Variants in GALNT14 observed in about 807,000 individuals in gnomAD.
The protein encoded by GALNT14 is UDP-GalNAc:polypeptide N-acetylgalactosaminyltransferase 14.
A neutral mutation model predicts 77.5 loss-of-function variants in GALNT14; 60 were observed. The observed-to-expected ratio is 0.77, with a 90% CI of 0.63 to 0.96. GALNT14 has a LOEUF of 0.96. Ranked by LOEUF, GALNT14 falls within the 40% of genes least tolerant of loss-of-function variation. The pLI is 0.00. For synonymous variants in GALNT14, 280 were observed against 281.7 expected, an observed-to-expected ratio of 0.99 and a Z score of 0.06; for missense variants, 710 against 731.0, an observed-to-expected ratio of 0.97 and a Z score of 0.33.
chr2:31,006,730 C>T (rs971727804), intron 1 of GALNT14, among the ~76,000 whole-genome samples: 1 of 152,202 alleles, frequency 6.6e-6, no homozygotes, highest in Non-Finnish European at 1.5e-5. Context: ...CTTCCTTAAT[C>T]CACGTGCCCA....
intron 9 of GALNT14, among the ~76,000 whole-genome samples, chr2:30,940,951 C>T (rs1439315337): frequency 1.3e-5 from 2 of 152,220 alleles, no homozygotes; most frequent in Admixed American, 6.5e-5. Flanking sequence ...CTCTACACTG[C>T]CCAGTTTGGG....
intron 2 of GALNT14, among the ~76,000 whole-genome samples, chr2:30,984,294 C>G (rs1029584908): frequency 6.6e-6 from 1 of 152,260 alleles, no homozygotes; most frequent in African/African-American, 2.4e-5. Context: ...GCCTGTTCAG[C>G]CTGCACTTTG....
intron 1 of GALNT14, among the ~76,000 whole-genome samples, chr2:31,020,056 T>C (rs755725950): frequency 3.9e-5 from 6 of 152,120 alleles, no homozygotes; most frequent in Non-Finnish European, 8.8e-5. Context: ...GGCCAGCCCC[T>C]TCCCCAGCAC....
chr2:31,011,588 C>T (rs553679202), intron 1 of GALNT14, among the ~76,000 whole-genome samples: 2 of 152,246 alleles, frequency 1.3e-5, no homozygotes, highest in South Asian at 2.1e-4. Flanking sequence ...GATCCAGTGC[C>T]ACCCTGGGGC....
intron 10 of GALNT14, among the ~76,000 whole-genome samples, chr2:30,930,844 T>C (rs1471767987): frequency 6.6e-6 from 1 of 152,244 alleles, no homozygotes; most frequent in Non-Finnish European, 1.5e-5. Context: ...TGGAAGCTGT[T>C]TAGCAGACAT....
the GALNT14 span, among the ~76,000 whole-genome samples, chr2:30,904,018 G>T: frequency 6.6e-6 from 1 of 152,330 alleles, no homozygotes; most frequent in African/African-American, 2.4e-5. Flanking sequence ...AGCCCTAGCA[G>T]CCAGAGAGAT....
chr2:31,061,083 G>T (rs1674560612), intron 1 of GALNT14, among the ~76,000 whole-genome samples: 1 of 152,126 alleles, frequency 6.6e-6, no homozygotes, highest in Admixed American at 6.5e-5. Context: ...GCCACAGCCA[G>T]GCAGTCAGCT....
intron 1 of GALNT14, among the ~76,000 whole-genome samples, chr2:31,097,071 G>A (rs184143644): frequency 6.6e-6 from 1 of 152,286 alleles, no homozygotes; most frequent in Non-Finnish European, 1.5e-5. Context: ...GGAAGAGGGA[G>A]AGGGTCTCTG....
chr2:31,132,528 T>G, intron 1 of GALNT14: 1 of 335,798 alleles, frequency 3.0e-6, no homozygotes. Flanking sequence ...AGGATGAGCA[T>G]GCATCTCATC....
chr2:31,057,370 GTGTGTATA>G (rs58661467), intron 1 of GALNT14, among the ~76,000 whole-genome samples: 39,498 of 119,924 alleles, frequency 0.33, 6,071 homozygotes, highest in East Asian at 0.43. Context: ...GTGTGTGTGT[GTGTGTATA>G]TATATATATA....
intron 1 of GALNT14, among the ~76,000 whole-genome samples, chr2:30,998,027 A>C (rs1048259644): frequency 1.3e-5 from 2 of 152,182 alleles, no homozygotes; most frequent in Non-Finnish European, 2.9e-5. Flanking sequence ...ATCATTATTC[A>C]GCCTTAAAGG....
At chr2:31,125,904 A>G (rs1034023055) in intron 1 of GALNT14, among the ~76,000 whole-genome samples, 8 of 152,192 alleles carry the variant, frequency 5.3e-5, no homozygotes, top group Non-Finnish European at 1.2e-4. Context: ...TATTTTCAGC[A>G]TCTGTTGGTT....
At chr2:31,026,724 C>T (rs182483686) in intron 1 of GALNT14, among the ~76,000 whole-genome samples, 146 of 152,328 alleles carry the variant, frequency 9.6e-4, no homozygotes, top group African/African-American at 3.5e-3. Flanking sequence ...TCCCCACTGA[C>T]CTGGGTAATC....
intron 1 of GALNT14, among the ~76,000 whole-genome samples, chr2:31,118,790 T>C (rs1265188164): frequency 6.6e-6 from 1 of 152,184 alleles, no homozygotes; most frequent in Non-Finnish European, 1.5e-5. Context: ...TTTTTATACT[T>C]AGGAAATTCA....
intron 1 of GALNT14, among the ~76,000 whole-genome samples, chr2:31,011,433 C>A (rs1370489548): frequency 6.6e-6 from 1 of 152,178 alleles, no homozygotes; most frequent in African/African-American, 2.4e-5. Context: ...TCTCTGGTTA[C>A]TTTTCCCACC....
At chr2:30,942,007 C>T (rs1486648177) in intron 9 of GALNT14, among the ~76,000 whole-genome samples, 194 bp downstream of exon 9, 2 of 152,120 alleles carry the variant, frequency 1.3e-5, no homozygotes, top group Non-Finnish European at 2.9e-5. Context: ...ATTATCAACA[C>T]CCTCCAACAA....
At chr2:31,015,202 G>A (rs567037026) in intron 1 of GALNT14, among the ~76,000 whole-genome samples, 2 of 151,506 alleles carry the variant, frequency 1.3e-5, no homozygotes, top group African/African-American at 4.8e-5. Context: ...TGAGGCAGGA[G>A]AATCGCTTGA....
intron 8 of GALNT14, among the ~76,000 whole-genome samples, chr2:30,942,606 G>A (rs1031359718): frequency 1.3e-5 from 2 of 152,144 alleles, no homozygotes; most frequent in Admixed American, 6.5e-5. Context: ...GCTCACTCAG[G>A]ACTCCTGCTA....
intron 1 of GALNT14, among the ~76,000 whole-genome samples, chr2:31,040,027 A>G (rs1673004542): frequency 6.6e-6 from 1 of 152,208 alleles, no homozygotes; most frequent in Non-Finnish European, 1.5e-5. Context: ...ATAAAGCTTA[A>G]CTATAACAAA....
Sources: allele counts gnomAD v4.1 joint callset (sites outside exome capture counted in the v4.1 genomes callset), GRCh38; gene constraint gnomAD v4.1.1; transcripts MANE v1.5; gene names NCBI Gene and HGNC (gene_info 2026-07-23, HGNC 2026-07-21).